GET4: variants seen among roughly 807,000 people sequenced by gnomAD.
GET4 encodes the protein guided entry of tail-anchored proteins factor 4, also known as Golgi to ER traffic protein 4 homolog.
Under a neutral mutation model 40.0 loss-of-function variants are expected in GET4, and 20 were observed. That is an observed-to-expected ratio of 0.50 (90% CI 0.35 to 0.73). The LOEUF is 0.73. GET4 is among the 30% of genes least tolerant of loss of function. The pLI is 0.01. For missense variants in GET4, 557 were observed against 454.0 expected (o/e 1.23, Z -2.06); for synonymous variants, 280 against 194.6 (o/e 1.44, Z -3.65).
chr7:892,351 G>C lies in GET4; in HGVS notation c.679G>C (p.Glu227Gln), dbSNP rs918725876. 4 of 1,595,676 alleles carry C rather than the reference G, an allele frequency of 2.5e-6. No homozygotes were observed. The highest frequency in any genetic ancestry group is 3.4e-6 in the Non-Finnish European group (4 of 1,164,500). ...TTYTQKHPSI[E>Q]DGPPFVEPLL... is the part of the protein sequence containing the mutation. ...GTACACCCAGAAGCACCCGTCCATC[G>C]AGGACGGGCCTCCGTTTGTGGAGCC... The change falls in exon 6 of 9, where the codon GAG becomes CAG. Residue 227 changes from glutamate (E) to glutamine (Q), a missense_variant. Transcript: ENST00000265857.
At chr7:884,111 C>T (rs1032174905) in intron 1 of GET4, 6 of 1,204,896 alleles carry the variant, frequency 5.0e-6, no homozygotes, top group Admixed American at 3.3e-5. Flanking sequence ...GTTTCTAAGT[C>T]GCCACCTCTT....
rs376218277 is a variant in GET4 at position 895,396 on chromosome 7, G to A, written c.958G>A (p.Asp320Asn). Reference sequence around the variant, plus strand: ...GGAGGATGGGGAGGAGAGCCCCAGCGACGGCAGCCCCATCGAGCTGGACTG... The same window carrying A: ...GGAGGATGGGGAGGAGAGCCCCAGCAACGGCAGCCCCATCGAGCTGGACTG... ...EQEDGEESPS[D>N]GSPIELD The change falls in exon 9 of 9, where the codon GAC becomes AAC. Residue 320 changes from aspartate (D) to asparagine (N), a missense_variant. Coordinates refer to ENST00000265857, the MANE Select transcript of GET4 (RefSeq NM_015949.3). 5.0e-5 allele frequency: 79 copies of A among 1,592,324 alleles called. No individual in the cohort carries two copies. Among genetic ancestry groups the A allele is most frequent in the East Asian group, 4.9e-4 (22 of 44,566 alleles).
At chr7:885,858 C>T (rs1844176990) in intron 1 of GET4, 198 bp from the exon 2 acceptor site, 21 of 590,612 alleles carry the variant, frequency 3.6e-5, no homozygotes, top group South Asian at 2.0e-4. Context: ...TGTCCAGAGG[C>T]GCCCCATGCA....
At chr7:894,707 G>A (rs961973058) in intron 8 of GET4, among the ~76,000 whole-genome samples, 1 of 152,232 alleles carries the variant, frequency 6.6e-6, no homozygotes, top group African/African-American at 2.4e-5. Context: ...TCCTGAGATG[G>A]GGTGACGTCG....
chr7:883,425 A>C, intron 1 of GET4: 1 of 741,056 alleles, frequency 1.3e-6, no homozygotes, highest in Non-Finnish European at 1.6e-6. Context: ...TGACACCGAC[A>C]GTCTCGGCCA....
chr7:887,239 A>G (rs1844209936), intron 3 of GET4, 131 bp from the exon 4 acceptor site: 5 of 924,032 alleles, frequency 5.4e-6, no homozygotes, highest in South Asian at 1.3e-5. Flanking sequence ...TCCACGGCTC[A>G]CTCAGGGACG....
intron 4 of GET4, among the ~76,000 whole-genome samples, chr7:887,903 G>A (rs559172132): frequency 2.6e-5 from 4 of 152,236 alleles, no homozygotes; most frequent in East Asian, 1.9e-4. Context: ...AAGCCTTTGC[G>A]GGGATTAATC....
chr7:893,567 G>A (rs1239402561), intron 6 of GET4, among the ~76,000 whole-genome samples, 173 bp from the exon 7 acceptor site: 3 of 140,120 alleles, frequency 2.1e-5, no homozygotes, highest in African/African-American at 8.2e-5. Context: ...GTTGGGCGTA[G>A]GCGTGGTGGT....
At chr7:892,252 C>CA (rs759538404) in intron 5 of GET4, 26 bp from the exon 6 acceptor site, 10 of 1,582,640 alleles carry the variant, frequency 6.3e-6, no homozygotes, top group Non-Finnish European at 6.9e-6. Flanking sequence ...CCAGCCCTTC[C>CA]ACCACCAGCA....
At chr7:887,221 T>C in intron 3 of GET4, 149 bp from the exon 4 acceptor site, 1 of 835,534 alleles carries the variant, frequency 1.2e-6, no homozygotes, top group Admixed American at 1.7e-5. Context: ...GGCAGCTCAG[T>C]GTGGTGGTCC....
At chr7:893,297 C>A (rs1374213919) in intron 6 of GET4, among the ~76,000 whole-genome samples, 2 of 46,272 alleles carry the variant, frequency 4.3e-5, no homozygotes. Flanking sequence ...GTGTTGGGCG[C>A]GGGCGCGGTG....
In GET4 at chr7:876,666, G is replaced by T. The variant is rs754328990; in HGVS notation, c.21G>T (p.Met7Ile). ...GCCCGATGGCGGCGGCGGCGGCGATGGCCGAGCAGGAGAGCGCCCGGAACG... is the reference window on the plus strand; with the variant it reads ...GCCCGATGGCGGCGGCGGCGGCGATTGCCGAGCAGGAGAGCGCCCGGAACG... MAAAAA[M>I]AEQESARNGG... Residue 7 changes from methionine to isoleucine, a missense_variant, in exon 1 of 9, where the codon ATG becomes ATT. Coordinates refer to ENST00000265857, the MANE Select transcript of GET4 (RefSeq NM_015949.3). 115 of 1,299,554 alleles carry T rather than the reference G, an allele frequency of 8.8e-5. No homozygotes were observed. The highest frequency in any genetic ancestry group is 1.3e-5 in the Non-Finnish European group (13 of 1,015,794). The allele number at this position is 1,299,554 out of a possible 1,614,324, so 80.5% of individuals were successfully genotyped here.
intron 4 of GET4, 48 bp from the exon 5 acceptor site, chr7:890,880 T>G: frequency 7.0e-7 from 1 of 1,423,078 alleles, no homozygotes; most frequent in Non-Finnish European, 9.9e-7. Flanking sequence ...TCCTTTTCTG[T>G]GTTATATTCG....
rs753777363 is a variant in GET4, at chr7:876,647, TGGC to T, written c.16_18del (p.Ala6?). 1.6e-4 allele frequency: 205 copies of T among 1,266,468 alleles called. No homozygotes were observed. The East Asian group carries it at 1.7e-3, about 10-fold the overall frequency. 78.5% of individuals were successfully genotyped at this position (1,266,468 alleles called of 1,614,324 possible). On this transcript the variant is annotated start_lost and inframe_deletion, in exon 1 of 9. Coordinates refer to ENST00000265857, the MANE Select transcript of GET4 (RefSeq NM_015949.3). ...AGCCCTGCGCGGAGCGCCGGCCCGATGGCGGCGGCGGCGGCGATGGCCGAGCAG... is the reference window on the plus strand; with the variant it reads ...AGCCCTGCGCGGAGCGCCGGCCCGATGGCGGCGGCGGCGATGGCCGAGCAG...
At chr7:886,195 A>AGGTC in intron 2 of GET4, 61 bp downstream of exon 2, 7 of 1,075,418 alleles carry the variant, frequency 6.5e-6, no homozygotes, top group East Asian at 2.4e-5. Flanking sequence ...TGGAGGTGGG[A>AGGTC]ATGACCTCCC....
intron 4 of GET4, among the ~76,000 whole-genome samples, chr7:889,239 C>T (rs1214288295): frequency 6.6e-6 from 1 of 152,262 alleles, no homozygotes; most frequent in South Asian, 2.1e-4. Flanking sequence ...TCCCCGACAC[C>T]GTGACGGTGC....
Position 895,516 on chromosome 7 carries a change from T to A in GET4, c.*94T>A. 3 of 621,982 alleles carry A rather than the reference T, an allele frequency of 4.8e-6. No individual in the cohort carries two copies. The highest frequency in any genetic ancestry group is 8.6e-6 in the Non-Finnish European group (3 of 349,334). The allele number at this position is 621,982 out of a possible 1,614,324, so 38.5% of individuals were successfully genotyped here. ...GGTGGCTCCTCGCCTTGGGGGCTCC[T>A]GGCCCTGAGGCTGGCGGTGGCCGCA... On this transcript the variant is annotated 3_prime_UTR_variant, in exon 9 of 9. Coordinates refer to ENST00000265857, the MANE Select transcript of GET4 (RefSeq NM_015949.3).
rs1271600682 is a variant in GET4 at position 876,628 on chromosome 7, G to A, written c.-18G>A. On this transcript the variant is annotated 5_prime_UTR_variant, in exon 1 of 9. Coordinates refer to ENST00000265857, the MANE Select transcript of GET4 (RefSeq NM_015949.3). ...CCGCGCCTGCGACAGCGTCAGCCCTGCGCGGAGCGCCGGCCCGATGGCGGC... is the reference window on the plus strand; with the variant it reads ...CCGCGCCTGCGACAGCGTCAGCCCTACGCGGAGCGCCGGCCCGATGGCGGC... 4 of 1,227,078 alleles carry A rather than the reference G, an allele frequency of 3.3e-6. No homozygotes were observed. The highest frequency in any genetic ancestry group is 5.8e-5 in the South Asian group (2 of 34,742). 76.0% of individuals were successfully genotyped at this position (1,227,078 alleles called of 1,614,324 possible). A position where few individuals can be genotyped will look rare whatever the true frequency, so the allele number is the denominator to read the frequency against.
At chr7:879,977 G>A (rs977783306) in intron 1 of GET4, 1 of 152,268 alleles carries the variant, frequency 6.6e-6, no homozygotes, top group Non-Finnish European at 1.5e-5. Context: ...ATAGAGCTGT[G>A]TGATGGGGAA....
Sources: allele counts gnomAD v4.1 joint callset (sites outside exome capture counted in the v4.1 genomes callset), GRCh38; gene constraint gnomAD v4.1.1; transcripts MANE v1.5; gene names NCBI Gene and HGNC (gene_info 2026-07-23, HGNC 2026-07-21).